The following ZNF469 variants were observed in gnomAD, a reference collection of about 807,000 sequenced individuals.
The protein encoded by ZNF469 is zinc finger protein 469.
ZNF469 carries 1 observed loss-of-function variant against 1.0 expected under a neutral mutation model. That is an observed-to-expected ratio of 1.00 (90% CI 0.35 to 4.73). The LOEUF is 4.73. Among genes scored for constraint, ZNF469 ranks in the 30% most tolerant of loss-of-function variants. ZNF469 has a pLI of 0.16. For missense variants in ZNF469, 6,100 were observed against 5,356.3 expected (o/e 1.14, Z -4.33); for synonymous variants, 2,703 against 2,363.4 (o/e 1.14, Z -4.17).
rs57440613 is a variant in ZNF469 at position 88,401,469 on chromosome 16, A to AGATGGATGGATG, written c.-192+18228_-192+18239dup. The stretch of plus-strand genomic sequence containing the variant: ...AGAATGGATGGATAGGTGGGTGGGC[A>AGATGGATGGATG]GATGGATGGATGGATGGATGGATGC... On this transcript the variant is annotated intron_variant, in intron 1 of 2. Transcript: ENST00000565624. Among the ~76,000 whole-genome samples the AGATGGATGGATG allele has an allele frequency of 3.7e-5, 4 of 106,930 alleles. 1 individual carries two copies. The highest frequency in any genetic ancestry group is 1.6e-4 in the African/African-American group (4 of 24,398). 70.2% of individuals were successfully genotyped at this position (106,930 alleles called of 152,430 possible).
At chr16:88,404,154 G>T (rs918882716) in intron 1 of ZNF469, among the ~76,000 whole-genome samples, 3 of 149,192 alleles carry the variant, frequency 2.0e-5, no homozygotes, top group Non-Finnish European at 4.5e-5. Flanking sequence ...ATATACAAGA[G>T]CAGCGAGAGA....
the ZNF469 span, among the ~76,000 whole-genome samples, chr16:88,325,165 A>T: frequency 7.2e-4 from 78 of 108,050 alleles, 10 homozygotes; most frequent in African/African-American, 2.9e-3. Flanking sequence ...TGCGACATAC[A>T]CAGGGCCTCA....
At chr16:88,375,717 G>A in the ZNF469 span, among the ~76,000 whole-genome samples, 11 of 152,270 alleles carry the variant, frequency 7.2e-5, no homozygotes, top group East Asian at 1.5e-3. Context: ...TCTGGCACCC[G>A]GCCTGGTCAC....
At chr16:88,360,821 C>T in the ZNF469 span, among the ~76,000 whole-genome samples, 47 of 152,152 alleles carry the variant, frequency 3.1e-4, no homozygotes, top group Non-Finnish European at 5.0e-4. Context: ...CTCTCAAAGG[C>T]AGTCCACCCC....
chr16:88,330,978 GC>G, the ZNF469 span, among the ~76,000 whole-genome samples: 1 of 151,606 alleles, frequency 6.6e-6, no homozygotes, highest in South Asian at 2.1e-4. Flanking sequence ...CATCACCATC[GC>G]CACCACCATC....
At chr16:88,106,898 GCCT>G in the ZNF469 span, among the ~76,000 whole-genome samples, 3 of 138,604 alleles carry the variant, frequency 2.2e-5, no homozygotes, top group Non-Finnish European at 4.4e-5. Context: ...AGCAACGCCA[GCCT>G]CTCCAGGGTG....
chr16:88,235,403 G>A, the ZNF469 span, among the ~76,000 whole-genome samples: 3 of 152,334 alleles, frequency 2.0e-5, no homozygotes, highest in South Asian at 2.1e-4. Flanking sequence ...CCTGGAGCGC[G>A]GAACTGGGAG....
chr16:88,333,920 C>CTG, the ZNF469 span, among the ~76,000 whole-genome samples: 6 of 149,534 alleles, frequency 4.0e-5, no homozygotes, highest in African/African-American at 9.9e-5. Flanking sequence ...CTGTGTGTGT[C>CTG]TGTGTGTGTC....
chr16:88,174,811 T>C, the ZNF469 span, among the ~76,000 whole-genome samples: 1 of 152,092 alleles, frequency 6.6e-6, no homozygotes, highest in African/African-American at 2.4e-5. Context: ...TAATAACTAT[T>C]TCTGTTATTG....
the ZNF469 span, among the ~76,000 whole-genome samples, chr16:88,270,795 G>A: frequency 6.6e-6 from 1 of 152,362 alleles, no homozygotes; most frequent in East Asian, 1.9e-4. Flanking sequence ...GGTGTTCAAG[G>A]CTTTCTATGG....
the ZNF469 span, among the ~76,000 whole-genome samples, chr16:88,179,675 T>A: frequency 6.6e-6 from 1 of 152,214 alleles, no homozygotes; most frequent in Non-Finnish European, 1.5e-5. Context: ...GTGATTCCCA[T>A]ACAGAGTTTG....
At chr16:88,142,009 G>C in the ZNF469 span, among the ~76,000 whole-genome samples, 1 of 152,224 alleles carries the variant, frequency 6.6e-6, no homozygotes, top group South Asian at 2.1e-4. Flanking sequence ...AGGAGGCTAC[G>C]CAGACAGGCT....
the ZNF469 span, among the ~76,000 whole-genome samples, chr16:88,262,799 G>A: frequency 1.4e-4 from 21 of 151,982 alleles, no homozygotes; most frequent in African/African-American, 4.4e-4. The surrounding 1 kb of genome is among the most constrained non-coding windows in gnomAD (Gnocchi z 4.3). Flanking sequence ...ATAAACAGAG[G>A]CCTAAGTGCT....
rs1432020611 is a variant in ZNF469, at chr16:88,427,750, C to T, written c.280C>T (p.Gln94Ter). ...CACCCCTGGGAAGAGGGGCAGCCCC[C>T]AGACCCCACCGGGGAGAAGCCCCTT... ...SSTPGKRGSP[Q>*]TPPGRSPLQA... The change falls in exon 3 of 3, where the codon CAG becomes TAG. Residue 94 changes from glutamine (Q) to a stop codon, truncating the protein, a stop_gained. Transcript: ENST00000565624. LOFTEE classifies it low-confidence loss of function (END_TRUNC). 6.5e-7 allele frequency: 1 copy of T among 1,543,410 alleles called. No individual in the cohort carries two copies. Among genetic ancestry groups the T allele is most frequent in the Non-Finnish European group, 8.7e-7 (1 of 1,146,102 alleles).
the ZNF469 span, among the ~76,000 whole-genome samples, chr16:88,186,775 C>T: frequency 2.0e-5 from 3 of 152,216 alleles, no homozygotes; most frequent in Admixed American, 6.5e-5. Flanking sequence ...AAAATAAACA[C>T]GGCTCTCGCT....
At chr16:88,379,332 C>T (rs1156744154), upstream of ZNF469, among the ~76,000 whole-genome samples, 2 of 152,160 alleles carry the variant, frequency 1.3e-5, no homozygotes, top group African/African-American at 4.8e-5. Context: ...GGGCTAGGAC[C>T]ACCCGGGAGC....
rs953219008 is a variant in ZNF469 at position 88,428,425 on chromosome 16, G to T, written c.955G>T (p.Gly319Cys). The T allele has an allele frequency of 3.9e-6, 6 of 1,548,184 alleles. No homozygotes were observed. The South Asian group carries it at 5.9e-5, about 15-fold the overall frequency. ...PQGAWPEEAV[G>C]TGPAYPLPTQ... ...GGGAGCGTGGCCGGAGGAGGCCGTGGGCACGGGCCCTGCCTACCCGCTGCC... is the reference window on the plus strand; with the variant it reads ...GGGAGCGTGGCCGGAGGAGGCCGTGTGCACGGGCCCTGCCTACCCGCTGCC... Residue 319 changes from glycine to cysteine, a missense_variant, in exon 3 of 3, where the codon GGC (glycine) becomes TGC (cysteine). Gly to Cys is a radical substitution (Grantham distance 159). Coordinates refer to ENST00000565624, the MANE Select transcript of ZNF469 (RefSeq NM_001367624.2).
intron 1 of ZNF469, among the ~76,000 whole-genome samples, chr16:88,418,839 C>A (rs146466163): frequency 5.3e-5 from 8 of 152,210 alleles, no homozygotes; most frequent in Non-Finnish European, 8.8e-5. Context: ...TTAAGCAAAG[C>A]GGCAGCGTTT....
the ZNF469 span, among the ~76,000 whole-genome samples, chr16:88,364,531 A>G: frequency 1.4e-4 from 21 of 149,508 alleles, no homozygotes; most frequent in East Asian, 3.5e-3. Flanking sequence ...TGGGATTTAG[A>G]CTGAAATTGT....
Sources: allele counts gnomAD v4.1 joint callset (sites outside exome capture counted in the v4.1 genomes callset), GRCh38; gene constraint gnomAD v4.1.1; non-coding constraint Gnocchi (gnomAD v3.1); transcripts MANE v1.5; gene names NCBI Gene and HGNC (gene_info 2026-07-23, HGNC 2026-07-21).